Variants in UNC5D observed in about 807,000 individuals in gnomAD.
The protein encoded by UNC5D is unc-5 netrin receptor D.
Under a neutral mutation model 105.4 loss-of-function variants are expected in UNC5D, and 39 were observed. The ratio of observed to expected loss-of-function variants is 0.37; its 90% CI spans 0.29 to 0.48. The LOEUF (loss-of-function observed/expected upper bound fraction) is 0.48. Ranked by LOEUF, UNC5D falls within the 20% of genes least tolerant of loss-of-function variation. The probability of loss-of-function intolerance (pLI) is 0.98; values close to 1 mark genes in which losing one functional copy is unlikely to be tolerated. For missense variants in UNC5D, 991 were observed against 1,202.4 expected (o/e 0.82, Z 2.60); for synonymous variants, 452 against 450.4 (o/e 1.00, Z -0.04).
intron 11 of UNC5D, among the ~76,000 whole-genome samples, chr8:35,732,640 T>C: frequency 6.6e-6 from 1 of 152,106 alleles, no homozygotes; most frequent in East Asian, 1.9e-4. Flanking sequence ...CTTTAAAACA[T>C]ATCATGCTGC....
intron 9 of UNC5D, among the ~76,000 whole-genome samples, chr8:35,725,573 A>G (rs1464012007): frequency 6.6e-6 from 1 of 152,042 alleles, no homozygotes; most frequent in Non-Finnish European, 1.5e-5. Context: ...AGATGTGGTG[A>G]GATTCATGAG....
At chr8:35,703,631 G>A (rs1253001305) in intron 7 of UNC5D, among the ~76,000 whole-genome samples, 1 of 152,080 alleles carries the variant, frequency 6.6e-6, no homozygotes, top group Non-Finnish European at 1.5e-5. Context: ...TTTTTTCATA[G>A]CCTGGCTGTA....
chr8:35,330,501 A>G (rs1810529718), intron 1 of UNC5D, among the ~76,000 whole-genome samples: 1 of 152,234 alleles, frequency 6.6e-6, no homozygotes, highest in Non-Finnish European at 1.5e-5. Context: ...CTGATGCGCT[A>G]CAGTTATGGG....
At chr8:35,330,079 T>C (rs995731621) in intron 1 of UNC5D, among the ~76,000 whole-genome samples, 1 of 152,212 alleles carries the variant, frequency 6.6e-6, no homozygotes, top group Non-Finnish European at 1.5e-5. Context: ...ACTTTTCTGA[T>C]ATTTCACAGC....
chr8:35,651,058 C>A (rs1409773262), intron 4 of UNC5D, among the ~76,000 whole-genome samples: 1 of 152,092 alleles, frequency 6.6e-6, no homozygotes, highest in Non-Finnish European at 1.5e-5. Context: ...TGGGGTCTGG[C>A]CCCCATTGTA....
chr8:35,524,717 G>A (rs2130481969), intron 1 of UNC5D, among the ~76,000 whole-genome samples: 1 of 151,200 alleles, frequency 6.6e-6, no homozygotes, highest in Admixed American at 6.6e-5. Context: ...GACGTTTGCT[G>A]CTCTGGTCTC....
chr8:35,422,401 T>C (rs1410152560), intron 1 of UNC5D, among the ~76,000 whole-genome samples: 1 of 152,234 alleles, frequency 6.6e-6, no homozygotes, highest in Admixed American at 6.5e-5. Context: ...AGAGAGAGTT[T>C]GACTGTTCTC....
At chr8:35,661,519 T>C (rs1334382587) in intron 4 of UNC5D, among the ~76,000 whole-genome samples, 2 of 152,188 alleles carry the variant, frequency 1.3e-5, no homozygotes, top group Admixed American at 1.3e-4. Flanking sequence ...ATATCTGCAA[T>C]GATTCGCTTT....
chr8:35,734,781 A>AG (rs1563718595), intron 11 of UNC5D, among the ~76,000 whole-genome samples: 1 of 130,922 alleles, frequency 7.6e-6, no homozygotes, highest in East Asian at 2.1e-4. Context: ...ACACACTTTA[A>AG]ATTTTTTTTT....
chr8:35,582,156 A>T (rs575614031), intron 3 of UNC5D, among the ~76,000 whole-genome samples: 4 of 152,130 alleles, frequency 2.6e-5, no homozygotes, highest in Non-Finnish European at 5.9e-5. Context: ...CATAGGCATG[A>T]GCCCCCATGT....
intron 4 of UNC5D, among the ~76,000 whole-genome samples, chr8:35,611,010 C>CAAAAAAAAAA (rs11314770): frequency 1.2e-4 from 7 of 60,094 alleles, no homozygotes; most frequent in African/African-American, 2.0e-4. Context: ...GACAAAGAAG[C>CAAAAAAAAAA]AAAAAAAAAA....
At chr8:35,724,447 C>T (rs1020512959) in intron 9 of UNC5D, among the ~76,000 whole-genome samples, 7 of 152,226 alleles carry the variant, frequency 4.6e-5, no homozygotes, top group African/African-American at 1.7e-4. Flanking sequence ...GAATGCCATA[C>T]ACAGAACAGA....
chr8:35,721,390 G>A (rs1828575838), intron 8 of UNC5D: 1 of 702,454 alleles, frequency 1.4e-6, no homozygotes, highest in Non-Finnish European at 2.6e-6. Flanking sequence ...TGCGGGGTGG[G>A]GAGGCACCCA....
At position 35,658,934 on chromosome 8, in the gene UNC5D, C is replaced by G. The variant is rs193301185; in HGVS notation, c.571-24613C>G. Among the ~76,000 whole-genome samples the G allele has an allele frequency of 2.2e-4, 33 of 152,218 alleles. 1 individual carries two copies. In the East Asian group the frequency reaches 5.2e-3, roughly 24 times the overall value. On this transcript the variant is annotated intron_variant, in intron 4 of 16. Transcript: ENST00000404895. The stretch of plus-strand genomic sequence containing the variant: ...CCTTCCAAAGCGCTGGGATTACAAG[C>G]GTGAGCCACCGTGCCCGGCAGAGTG...
chr8:35,517,320 A>G (rs1330667347), intron 1 of UNC5D, among the ~76,000 whole-genome samples: 1 of 152,238 alleles, frequency 6.6e-6, no homozygotes. Context: ...TAGAAAGGGT[A>G]GGAACCAATT....
At chr8:35,288,883 C>G (rs1302850643) in intron 1 of UNC5D, among the ~76,000 whole-genome samples, 3 of 151,848 alleles carry the variant, frequency 2.0e-5, no homozygotes, top group African/African-American at 7.3e-5. Context: ...GAATTCAAAG[C>G]ATATCACCAC....
intron 3 of UNC5D, among the ~76,000 whole-genome samples, chr8:35,574,544 C>A (rs1817962466): frequency 2.6e-5 from 4 of 152,102 alleles, no homozygotes; most frequent in Admixed American, 2.6e-4. Context: ...GTATTATTTT[C>A]ATTTGCTTTT....
intron 1 of UNC5D, among the ~76,000 whole-genome samples, chr8:35,529,946 C>T (rs1293341484): frequency 6.6e-6 from 1 of 150,998 alleles, no homozygotes; most frequent in Admixed American, 6.6e-5. Context: ...AGATTTTGGG[C>T]TGAGACAATG....
At position 35,496,346 on chromosome 8, in the gene UNC5D, G is replaced by T. The variant is rs544663073; in HGVS notation, c.104-52946G>T. Among the ~76,000 whole-genome samples, 4 of 152,264 alleles carry T rather than the reference G, an allele frequency of 2.6e-5. No individual in the cohort carries two copies. The East Asian group carries it at 7.7e-4, about 29-fold the overall frequency. ...TAAGGACTTTTGGAAGCCAGTAAAG[G>T]GTTTGTAAGCAGAAAAGATCTTTCT... On this transcript the variant is annotated intron_variant, in intron 1 of 16. Coordinates refer to ENST00000404895, the MANE Select transcript of UNC5D (RefSeq NM_080872.4).
Sources: allele counts gnomAD v4.1 joint callset (sites outside exome capture counted in the v4.1 genomes callset), GRCh38; gene constraint gnomAD v4.1.1; transcripts MANE v1.5; gene names NCBI Gene and HGNC (gene_info 2026-07-23, HGNC 2026-07-21).